MSH3: variants seen among roughly 807,000 people sequenced by gnomAD.
MSH3 encodes the protein mutS homolog 3, also known as DNA mismatch repair protein Msh3.
Under a neutral mutation model 123.3 loss-of-function variants are expected in MSH3, and 106 were observed. The ratio of observed to expected loss-of-function variants is 0.86; its 90% CI spans 0.73 to 1.01. The LOEUF (loss-of-function observed/expected upper bound fraction) is 1.01, where lower values mean the gene tolerates loss of function less well. MSH3 is among the 50% of genes least tolerant of loss of function. The pLI is 0.00. For missense variants in MSH3, 1,459 were observed against 1,347.6 expected (o/e 1.08, Z -1.29); for synonymous variants, 515 against 481.4 (o/e 1.07, Z -0.91).
chr5:80,742,473 C>T (rs1209766997), intron 11 of MSH3, among the ~76,000 whole-genome samples: 1 of 152,182 alleles, frequency 6.6e-6, no homozygotes, highest in African/African-American at 2.4e-5. Flanking sequence ...AGATAAAAAG[C>T]AACCCCACGT....
At chr5:80,799,254 T>C (rs1452370299) in intron 19 of MSH3, among the ~76,000 whole-genome samples, 3 of 152,158 alleles carry the variant, frequency 2.0e-5, no homozygotes, top group African/African-American at 7.2e-5. Context: ...AGCTTCATTT[T>C]CCCTCTTTCT....
intron 15 of MSH3, among the ~76,000 whole-genome samples, chr5:80,772,827 C>A (rs1312653086): frequency 6.6e-6 from 1 of 152,028 alleles, no homozygotes; most frequent in African/African-American, 2.4e-5. Context: ...GAGGAGGAAC[C>A]CAGGCTGAAA....
At chr5:80,863,593 C>A (rs1746049204) in intron 21 of MSH3, among the ~76,000 whole-genome samples, 1 of 151,784 alleles carries the variant, frequency 6.6e-6, no homozygotes, top group South Asian at 2.1e-4. Context: ...ATGGCGTAAA[C>A]CCGGGAGGCG....
intron 7 of MSH3, 40 bp from the exon 8 acceptor site, chr5:80,678,887 T>C: frequency 6.2e-7 from 1 of 1,611,046 alleles, no homozygotes; most frequent in Middle Eastern, 1.7e-4. Flanking sequence ...ACTGGGGAAA[T>C]ACATTTTTTC....
chr5:80,787,561 G>A lies in MSH3; in HGVS notation c.2436-4G>A, dbSNP rs773107210. On this transcript the variant is annotated splice_polypyrimidine_tract_variant and splice_region_variant and intron_variant, in intron 17 of 23. Coordinates refer to ENST00000265081, the MANE Select transcript of MSH3 (RefSeq NM_002439.5). ...CCTTTTTGTTGTTGCTGCTGCTTCC[G>A]TAGGAAATTCAGTGAACATTATCAC... 13 of 1,606,570 alleles carry A rather than the reference G, an allele frequency of 8.1e-6. No homozygotes were observed. Among genetic ancestry groups the A allele is most frequent in the East Asian group, 4.5e-5 (2 of 44,774 alleles).
intron 8 of MSH3, among the ~76,000 whole-genome samples, chr5:80,688,410 A>C (rs989416561): frequency 6.6e-6 from 1 of 152,254 alleles, no homozygotes; most frequent in Admixed American, 6.5e-5. Context: ...AGTATTATCT[A>C]ACATGATTCT....
intron 19 of MSH3, among the ~76,000 whole-genome samples, chr5:80,810,252 A>G (rs1010126561): frequency 1.4e-5 from 2 of 147,974 alleles, no homozygotes; most frequent in African/African-American, 2.5e-5. Flanking sequence ...TTAATGTCTC[A>G]CTGAGCTTAT....
At chr5:80,724,867 A>G (rs1177335153) in intron 8 of MSH3, among the ~76,000 whole-genome samples, 1 of 152,216 alleles carries the variant, frequency 6.6e-6, no homozygotes, top group African/African-American at 2.4e-5. Flanking sequence ...CTTTTTAAAT[A>G]ATGATAGATA....
At chr5:80,733,488 A>G (rs1191720627) in intron 10 of MSH3, among the ~76,000 whole-genome samples, 1 of 152,270 alleles carries the variant, frequency 6.6e-6, no homozygotes, top group Admixed American at 6.5e-5. Flanking sequence ...ACTTCATCAA[A>G]GTAAAAGCTT....
intron 8 of MSH3, among the ~76,000 whole-genome samples, chr5:80,704,424 T>C (rs901487787): frequency 6.6e-6 from 1 of 152,244 alleles, no homozygotes; most frequent in Admixed American, 6.5e-5. Context: ...GGAATGCATT[T>C]CCTGGTTGGT....
At chr5:80,666,995 T>G (rs1164869324) in intron 3 of MSH3, among the ~76,000 whole-genome samples, 1 of 151,924 alleles carries the variant, frequency 6.6e-6, no homozygotes. Flanking sequence ...AGTTGCTTAT[T>G]TTGTTACCCA....
intron 21 of MSH3, among the ~76,000 whole-genome samples, chr5:80,855,291 C>T (rs1201318727): frequency 6.6e-6 from 1 of 152,024 alleles, no homozygotes; most frequent in Non-Finnish European, 1.5e-5. Flanking sequence ...TGTCTTCCCT[C>T]ATTTTCATTT....
chr5:80,720,377 G>T (rs1347009355), intron 8 of MSH3, among the ~76,000 whole-genome samples: 2 of 151,890 alleles, frequency 1.3e-5, no homozygotes, highest in African/African-American at 4.8e-5. Context: ...ACACGTTTTA[G>T]GTCTTCTTTG....
intron 8 of MSH3, among the ~76,000 whole-genome samples, chr5:80,682,440 C>G (rs1180661001): frequency 1.3e-5 from 2 of 151,852 alleles, no homozygotes; most frequent in Non-Finnish European, 2.9e-5. Context: ...TTTTCTGTGG[C>G]TGGGCGCAGT....
At chr5:80,707,177 A>G (rs550667292) in intron 8 of MSH3, among the ~76,000 whole-genome samples, 3 of 152,368 alleles carry the variant, frequency 2.0e-5, no homozygotes, top group Admixed American at 6.5e-5. Context: ...CATAATGCCT[A>G]TGCAATTCAC....
At chr5:80,758,511 T>A (rs1432394439) in intron 12 of MSH3, among the ~76,000 whole-genome samples, 1 of 152,186 alleles carries the variant, frequency 6.6e-6, no homozygotes, top group African/African-American at 2.4e-5. Context: ...GAGCCTGGGT[T>A]TGAATCAAGG....
intron 8 of MSH3, among the ~76,000 whole-genome samples, chr5:80,691,126 A>G (rs1462504348): frequency 6.6e-6 from 1 of 152,090 alleles, no homozygotes; most frequent in African/African-American, 2.4e-5. Flanking sequence ...ACTGAAAAGT[A>G]GTTAATATTT....
chr5:80,660,105 G>T (rs1643651), intron 2 of MSH3, among the ~76,000 whole-genome samples: 38,924 of 151,794 alleles, frequency 0.26, 5,183 homozygotes, highest in Middle Eastern at 0.33. Flanking sequence ...ACATACCAGA[G>T]ACTGGGAAGA....
At chr5:80,863,163 A>G (rs1746041797) in intron 21 of MSH3, among the ~76,000 whole-genome samples, 1 of 152,192 alleles carries the variant, frequency 6.6e-6, no homozygotes, top group African/African-American at 2.4e-5. Context: ...AGGACCCATC[A>G]CCTACATATA....
Sources: gnomAD v4.1 joint callset for allele counts (sites outside exome capture counted in the v4.1 genomes callset) on GRCh38, gnomAD v4.1.1 for gene constraint, MANE v1.5 for transcripts, NCBI Gene and HGNC (gene_info 2026-07-23, HGNC 2026-07-21) for gene names.